GABBR2: variants seen among roughly 807,000 people sequenced by gnomAD.
The protein encoded by GABBR2 is gamma-aminobutyric acid type B receptor subunit 2.
In GABBR2, 23 loss-of-function variants were observed where a neutral mutation model predicts 105.6. That is an observed-to-expected ratio of 0.22 (90% CI 0.16 to 0.31). GABBR2 has a LOEUF of 0.31. GABBR2 is among the 10% of genes least tolerant of loss of function. The pLI, the probability that GABBR2 is intolerant of heterozygous loss-of-function variation, is 1.00. For missense variants in GABBR2, 734 were observed against 1,245.5 expected (o/e 0.59, Z 6.18); for synonymous variants, 478 against 499.7 (o/e 0.96, Z 0.58).
intron 1 of GABBR2, among the ~76,000 whole-genome samples, chr9:98,687,723 G>A (rs1830636692): frequency 6.6e-6 from 1 of 152,098 alleles, no homozygotes; most frequent in Non-Finnish European, 1.5e-5. Flanking sequence ...CATTCCACAG[G>A]TCCTTGGCAC....
chr9:98,425,944 T>C (rs1588154253), intron 7 of GABBR2, among the ~76,000 whole-genome samples: 2 of 152,348 alleles, frequency 1.3e-5, no homozygotes, highest in South Asian at 4.1e-4. Context: ...GTCTGCTTTT[T>C]CACAATTGTA....
Position 98,480,938 on chromosome 9 carries a change from G to A in GABBR2, c.792C>T (p.Phe264=). 3 of 1,588,590 alleles carry A rather than the reference G, an allele frequency of 1.9e-6. No individual in the cohort carries two copies. The highest frequency in any genetic ancestry group is 1.7e-4 in the Middle Eastern group (1 of 6,018). The change falls in exon 5 of 19, where the codon TTC becomes TTT. Residue 264 remains phenylalanine (F), a synonymous_variant. Coordinates refer to ENST00000259455, the MANE Select transcript of GABBR2 (RefSeq NM_005458.8). The part of the protein sequence containing the change: ...QFDQNMAAKV[F]CCAYEENMYG... ...ATACAACTGTTTTACTTACACAACA[G>A]AACACTTTTGCTGCCATATTCTGGT...
At chr9:98,537,288 G>A (rs560555030) in intron 3 of GABBR2, among the ~76,000 whole-genome samples, 111 of 152,342 alleles carry the variant, frequency 7.3e-4, no homozygotes, top group Middle Eastern at 3.4e-3. Context: ...GAAGCCAGAC[G>A]CAAAAGACTG....
chr9:98,382,009 T>G (rs892903168), intron 11 of GABBR2, among the ~76,000 whole-genome samples: 1 of 152,150 alleles, frequency 6.6e-6, no homozygotes, highest in Admixed American at 6.5e-5. Flanking sequence ...AGCCTTTGGC[T>G]TGTGAACAAG....
intron 7 of GABBR2, among the ~76,000 whole-genome samples, chr9:98,418,120 C>A (rs1040014350): frequency 3.9e-5 from 6 of 152,072 alleles, no homozygotes; most frequent in Non-Finnish European, 8.8e-5. Context: ...GTGCAACGAG[C>A]TCTTTCCCTT....
chr9:98,332,038 T>A (rs1831036255), intron 13 of GABBR2, among the ~76,000 whole-genome samples: 1 of 152,192 alleles, frequency 6.6e-6, no homozygotes, highest in Non-Finnish European at 1.5e-5. Context: ...CAATTTCCCA[T>A]CCATCAGCTC....
In GABBR2 at chr9:98,440,752, T is replaced by A. The variant is rs145846958; in HGVS notation, c.1236+13229A>T. Among the ~76,000 whole-genome samples, 130 of 152,314 alleles carry A rather than the reference T, an allele frequency of 8.5e-4. 1 individual carries two copies. The highest frequency in any genetic ancestry group is 3.4e-3 in the Middle Eastern group (1 of 294). ...ATCCACGTGAGCACAGAGTGTCACA[T>A]CGAGTGTGTGTGAGTAACCTCTGCA... On this transcript the variant is annotated intron_variant, in intron 7 of 18. Transcript: ENST00000259455.
At chr9:98,671,932 C>T (rs1830412828) in intron 1 of GABBR2, among the ~76,000 whole-genome samples, 1 of 152,088 alleles carries the variant, frequency 6.6e-6, no homozygotes. Context: ...GCAGATAAAA[C>T]CTACAAGGTC....
chr9:98,483,459 G>A (rs1826975821), intron 4 of GABBR2, among the ~76,000 whole-genome samples: 1 of 152,076 alleles, frequency 6.6e-6, no homozygotes, highest in Non-Finnish European at 1.5e-5. Flanking sequence ...GCTTCCTGAG[G>A]TTTGCAGATC....
intron 2 of GABBR2, among the ~76,000 whole-genome samples, chr9:98,543,056 C>T (rs550243896): frequency 6.6e-6 from 1 of 152,064 alleles, no homozygotes; most frequent in East Asian, 1.9e-4. Context: ...AATTTACACT[C>T]GATAGTCAAA....
intron 11 of GABBR2, among the ~76,000 whole-genome samples, chr9:98,385,138 T>C (rs73497007): frequency 0.05 from 7,548 of 152,206 alleles, 658 homozygotes; most frequent in African/African-American, 0.17. Flanking sequence ...ATAATATTTT[T>C]CCCCTCCTTT....
intron 6 of GABBR2, among the ~76,000 whole-genome samples, chr9:98,456,575 C>G (rs1004032511): frequency 6.6e-6 from 1 of 152,178 alleles, no homozygotes; most frequent in African/African-American, 2.4e-5. Flanking sequence ...ACCAGAATCT[C>G]AAACAATACC....
At chr9:98,579,642 C>A (rs1023361128) in intron 1 of GABBR2, among the ~76,000 whole-genome samples, 1 of 152,112 alleles carries the variant, frequency 6.6e-6, no homozygotes, top group African/African-American at 2.4e-5. Context: ...TCATGAAAAT[C>A]GATAGTGAAC....
chr9:98,354,551 T>C (rs1050384746), intron 13 of GABBR2, among the ~76,000 whole-genome samples: 5 of 152,268 alleles, frequency 3.3e-5, no homozygotes, highest in African/African-American at 1.2e-4. Flanking sequence ...GTATCAGCAC[T>C]TGCTGCTTCA....
At chr9:98,565,940 G>A (rs946570761) in intron 2 of GABBR2, among the ~76,000 whole-genome samples, 1 of 152,220 alleles carries the variant, frequency 6.6e-6, no homozygotes, top group Non-Finnish European at 1.5e-5. Flanking sequence ...TCAGTGCCAT[G>A]CCACCACATG....
intron 2 of GABBR2, among the ~76,000 whole-genome samples, chr9:98,573,907 G>A (rs1828874272): frequency 2.0e-5 from 3 of 152,194 alleles, no homozygotes; most frequent in African/African-American, 4.8e-5. Flanking sequence ...CTCGCCACAA[G>A]AACCAATGTT....
intron 1 of GABBR2, among the ~76,000 whole-genome samples, chr9:98,661,343 G>A (rs141304444): frequency 1.3e-3 from 196 of 152,264 alleles, no homozygotes; most frequent in African/African-American, 4.2e-3. Flanking sequence ...TTTGCGCCTC[G>A]TGCCTTGGAG....
At chr9:98,541,503 C>T (rs1311446611) in intron 3 of GABBR2, among the ~76,000 whole-genome samples, 1 of 152,162 alleles carries the variant, frequency 6.6e-6, no homozygotes, top group African/African-American at 2.4e-5. Context: ...CAAGCCAGCC[C>T]TTCCCCAAAA....
intron 13 of GABBR2, among the ~76,000 whole-genome samples, chr9:98,339,649 C>T (rs533086895): frequency 6.6e-6 from 1 of 152,286 alleles, no homozygotes; most frequent in Non-Finnish European, 1.5e-5. Flanking sequence ...GAGAATAGCC[C>T]ATAGATCTAA....
Sources: gnomAD v4.1 joint callset for allele counts (sites outside exome capture counted in the v4.1 genomes callset) on GRCh38, gnomAD v4.1.1 for gene constraint, MANE v1.5 for transcripts, NCBI Gene and HGNC (gene_info 2026-07-23, HGNC 2026-07-21) for gene names.